FLAD1: variants seen among roughly 807,000 people sequenced by gnomAD.
FLAD1 encodes flavin adenine dinucleotide synthetase 1, also known as bifunctional FAD diphosphatase/FAD synthase.
Under a neutral mutation model 55.0 loss-of-function variants are expected in FLAD1, and 35 were observed. The ratio of observed to expected loss-of-function variants is 0.64; its 90% CI spans 0.49 to 0.84. The LOEUF (loss-of-function observed/expected upper bound fraction) is 0.84, where lower values mean the gene tolerates loss of function less well. FLAD1 is among the 40% of genes least tolerant of loss of function. The pLI is 0.00. For synonymous variants in FLAD1, 267 were observed against 303.0 expected (o/e 0.88, Z 1.23); for missense variants, 665 against 742.6 (o/e 0.90, Z 1.21).
chr1:154,986,261 G>A (rs995557221), intron 1 of FLAD1, among the ~76,000 whole-genome samples: 1 of 151,812 alleles, frequency 6.6e-6, no homozygotes, highest in Non-Finnish European at 1.5e-5. Context: ...CTGTCACCCA[G>A]GCTGGAGTGC....
rs755105484 is a variant in FLAD1, at chr1:154,988,822, G to T, written c.1090G>T (p.Glu364Ter). The change falls in exon 2 of 7, where the codon GAG (glutamate) becomes TAG (stop). Residue 364 changes from glutamate (E) to a stop codon, truncating the protein, a stop_gained. Transcript: ENST00000292180. LOFTEE classifies it high-confidence loss of function. ...GCCCAACGCTGTGGAGCAGGCCAGT[G>T]AGGCTGTATACAAACTCGCTGAATC... is the stretch of plus-strand genomic sequence containing the variant. Reference protein sequence around the residue: ...YMPNAVEQASEAVYKLAESGS... With the variant: ...YMPNAVEQAS 8.1e-6 allele frequency: 13 copies of T among 1,614,210 alleles called. No individual in the cohort carries two copies. Among genetic ancestry groups the T allele is most frequent in the Non-Finnish European group, 1.1e-5 (13 of 1,180,038 alleles).
In FLAD1 at chr1:154,990,263, A is replaced by C. The variant is rs1558076309; in HGVS notation, c.1364+6A>C. The C allele has an allele frequency of 1.9e-6, 3 of 1,613,600 alleles. No individual in the cohort carries two copies. The highest frequency in any genetic ancestry group is 2.5e-6 in the Non-Finnish European group (3 of 1,179,620). Reference sequence around the variant, plus strand: ...CTACAGGACACTATCAAGAGGTACTAGGGGCCTGGAGGTTTGGGCTCCAAG... The same window carrying C: ...CTACAGGACACTATCAAGAGGTACTCGGGGCCTGGAGGTTTGGGCTCCAAG... On this transcript the variant is annotated splice_donor_region_variant and intron_variant, in intron 4 of 6. Coordinates refer to ENST00000292180, the MANE Select transcript of FLAD1 (RefSeq NM_025207.5).
In FLAD1 at chr1:154,988,418, T is replaced by G. The variant is rs1250943904; in HGVS notation, c.686T>G (p.Leu229Arg). 6.2e-7 allele frequency: 1 copy of G among 1,614,236 alleles called. No homozygotes were observed. Among genetic ancestry groups the G allele is most frequent in the Admixed American group, 1.7e-5 (1 of 60,032 alleles). The change falls in exon 2 of 7, where the codon CTG becomes CGG. Residue 229 changes from leucine to arginine, a missense_variant. By Grantham distance (102) the Leu-to-Arg change is moderately radical. Coordinates refer to ENST00000292180, the MANE Select transcript of FLAD1 (RefSeq NM_025207.5). ...TCATTGGTGCCCTCCTCTGCCCGCC[T>G]GCATTATGGCACAGATCCTTGCACT... ...KLSLVPSSAR[L>R]HYGTDPCTGQ...
chr1:154,987,874 G>T, intron 1 of FLAD1: 1 of 1,344,342 alleles, frequency 7.4e-7, no homozygotes. Context: ...TGAGGCTGCA[G>T]TGAACTGTGA....
At chr1:154,988,911 G>GT in intron 2 of FLAD1, 62 bp downstream of exon 2, 1 of 1,603,226 alleles carries the variant, frequency 6.2e-7, no homozygotes, top group Non-Finnish European at 8.5e-7. Flanking sequence ...CCAGATCTCA[G>GT]TAATGCAGGG....
rs876661315 is a variant in FLAD1, at chr1:154,988,229, TC to T, written c.498del (p.Ser167ProfsTer20). 1 of 1,614,128 alleles carries T rather than the reference TC, an allele frequency of 6.2e-7. No individual in the cohort carries two copies. Among genetic ancestry groups the T allele is most frequent in the Non-Finnish European group, 8.5e-7 (1 of 1,180,022 alleles). On this transcript the variant is annotated frameshift_variant, in exon 2 of 7. Coordinates refer to ENST00000292180, the MANE Select transcript of FLAD1 (RefSeq NM_025207.5). LOFTEE classifies it high-confidence loss of function. ...ACCATTGCAGCTGAGGTCACTTCTT[TC>T]TCCAACCGCTTCACCCATGTCCTCA... ...VATIAAEVTS[F>X]SNRFTHVLTA...
chr1:154,990,123 A>G, intron 3 of FLAD1, 36 bp from the exon 4 acceptor site: 2 of 1,544,978 alleles, frequency 1.3e-6, no homozygotes. Flanking sequence ...TTCCTTGTCC[A>G]TGCTCACAAG....
intron 1 of FLAD1, among the ~76,000 whole-genome samples, chr1:154,986,704 CTTTTTTTTTTTTTT>C (rs776649473): frequency 2.2e-5 from 2 of 91,700 alleles, no homozygotes; most frequent in African/African-American, 9.9e-5. Context: ...GCCCCCCACC[CTTTTTTTTTTTTTT>C]TTTTTTTTGA....
In FLAD1 at chr1:154,989,669, C is replaced by T. The variant is rs1657778531; in HGVS notation, c.1227C>T (p.Cys409=). The T allele has an allele frequency of 6.3e-7, 1 of 1,586,402 alleles. No individual in the cohort carries two copies. Among genetic ancestry groups the T allele is most frequent in the African/African-American group, 1.4e-5 (1 of 74,038 alleles). ...LCVGFNGGKD[C]TALLHLFHAA... Reference sequence around the variant, plus strand: ...TGGGCTTCAACGGGGGCAAAGACTGCACTGCCCTCCTGCACCTCTTCCATG... The same window carrying T: ...TGGGCTTCAACGGGGGCAAAGACTGTACTGCCCTCCTGCACCTCTTCCATG... The change falls in exon 3 of 7, where the codon TGC becomes TGT. Residue 409 remains cysteine (C), a synonymous_variant. Transcript: ENST00000292180.
At chr1:154,990,668 C>T (rs1446106151) in intron 5 of FLAD1, 140 bp downstream of exon 5, 3 of 780,258 alleles carry the variant, frequency 3.8e-6, no homozygotes, top group African/African-American at 3.5e-5. Context: ...GCAGTGCTAT[C>T]TGTTCATTCA....
At chr1:154,984,371 T>C (rs1014464039) in intron 1 of FLAD1, among the ~76,000 whole-genome samples, 20 of 152,020 alleles carry the variant, frequency 1.3e-4, no homozygotes, top group Admixed American at 4.6e-4. Flanking sequence ...TACACAACAA[T>C]GACAGGAAGC....
intron 1 of FLAD1, among the ~76,000 whole-genome samples, chr1:154,986,926 G>T (rs1657638683): frequency 6.6e-6 from 1 of 151,788 alleles, no homozygotes; most frequent in Non-Finnish European, 1.5e-5. Context: ...ATGAAACTGG[G>T]GGTCAGAGAG....
At position 154,983,376 on chromosome 1, in the gene FLAD1, G is replaced by T; in HGVS notation, c.-319G>T. On this transcript the variant is annotated 5_prime_UTR_variant, in exon 1 of 7. Coordinates refer to ENST00000292180, the MANE Select transcript of FLAD1 (RefSeq NM_025207.5). ...GAGGAAAGGAACAAGGGAAAGAGCC[G>T]GTGAAGGGGCAGAACAGGCAGGTGA... 4.3e-6 allele frequency: 1 copy of T among 234,004 alleles called. No homozygotes were observed. The highest frequency in any genetic ancestry group is 8.3e-6 in the Non-Finnish European group (1 of 120,238). 14.5% of individuals were successfully genotyped at this position (234,004 alleles called of 1,614,324 possible).
At chr1:154,991,203 T>C (rs1270307164) in intron 5 of FLAD1, 1 of 51,932 alleles carries the variant, frequency 1.9e-5, no homozygotes, top group African/African-American at 8.8e-5. Context: ...CAAGACTCTG[T>C]CTCAAAAAAA....
rs78010227 is a variant in FLAD1 at position 154,983,357 on chromosome 1, A to G, written c.-338A>G. 1.3e-3 allele frequency: 260 copies of G among 206,436 alleles called. No individual in the cohort carries two copies. The highest frequency in any genetic ancestry group is 5.8e-3 in the African/African-American group (253 of 43,614). The allele number at this position is 206,436 out of a possible 1,614,324, so 12.8% of individuals were successfully genotyped here. A position where few individuals can be genotyped will look rare whatever the true frequency, so the allele number is the denominator to read the frequency against. ...GGAAGCTGCCCCGGGACATGAGGAA[A>G]GGAACAAGGGAAAGAGCCGGTGAAG... is the stretch of plus-strand genomic sequence containing the variant. On this transcript the variant is annotated 5_prime_UTR_variant, in exon 1 of 7. Transcript: ENST00000292180.
chr1:154,992,829 G>GGTAA, intron 6 of FLAD1, 43 bp downstream of exon 6: 2 of 1,614,004 alleles, frequency 1.2e-6, no homozygotes, highest in Non-Finnish European at 1.7e-6. Flanking sequence ...GAGTTTTTAG[G>GGTAA]GTGCTGGGAT....
chr1:154,989,704 A>C lies in FLAD1; in HGVS notation c.1262A>C (p.Gln421Pro). Residue 421 changes from glutamine to proline, a missense_variant, in exon 3 of 7, where the codon CAG (glutamine) becomes CCG (proline). Physicochemically the swap from Gln to Pro is moderately conservative, Grantham distance 76. Transcript: ENST00000292180. Reference protein sequence around the residue: ...ALLHLFHAAVQRKLPDVPNPL... With the variant: ...ALLHLFHAAVPRKLPDVPNPL... ...CTGCACCTCTTCCATGCAGCTGTGCAGAGGTGAGCCTGCCCCCGGGAGACA... is the reference window on the plus strand; with the variant it reads ...CTGCACCTCTTCCATGCAGCTGTGCCGAGGTGAGCCTGCCCCCGGGAGACA... 1 of 1,523,196 alleles carries C rather than the reference A, an allele frequency of 6.6e-7. No homozygotes were observed. Among genetic ancestry groups the C allele is most frequent in the Non-Finnish European group, 8.8e-7 (1 of 1,132,808 alleles). The allele number at this position is 1,523,196 out of a possible 1,614,324, so 94.4% of individuals were successfully genotyped here.
At chr1:154,991,026 A>G in intron 5 of FLAD1, 1 of 151,640 alleles carries the variant, frequency 6.6e-6, no homozygotes. Context: ...AGCCTGGCCA[A>G]CATGGCGAAA....
At chr1:154,987,863 T>C in intron 1 of FLAD1, 1 of 1,246,426 alleles carries the variant, frequency 8.0e-7, no homozygotes, top group Non-Finnish European at 1.1e-6. Context: ...AGCCAGGAGG[T>C]TGAGGCTGCA....
Sources: gnomAD v4.1 joint callset for allele counts (sites outside exome capture counted in the v4.1 genomes callset) on GRCh38, gnomAD v4.1.1 for gene constraint, MANE v1.5 for transcripts, NCBI Gene and HGNC (gene_info 2026-07-23, HGNC 2026-07-21) for gene names.